PDE4D: variants seen among roughly 807,000 people sequenced by gnomAD.
PDE4D encodes phosphodiesterase 4D.
PDE4D carries 24 observed loss-of-function variants against 87.4 expected under a neutral mutation model. The ratio of observed to expected loss-of-function variants is 0.27; its 90% CI spans 0.20 to 0.39. PDE4D has a LOEUF of 0.39. Ranked by LOEUF, PDE4D falls within the 10% of genes least tolerant of loss-of-function variation. PDE4D has a pLI of 1.00. For missense variants in PDE4D, 714 were observed against 1,041.0 expected (o/e 0.69, Z 4.32); for synonymous variants, 384 against 383.2 (o/e 1.00, Z -0.02).
intron 1 of PDE4D, among the ~76,000 whole-genome samples, chr5:59,769,239 G>T (rs1351570436): frequency 6.6e-6 from 1 of 151,952 alleles, no homozygotes; most frequent in Admixed American, 6.6e-5. Flanking sequence ...ACAAACAAAA[G>T]GTTTCAAAAT....
At chr5:59,365,726 T>G (rs1782937153) in intron 1 of PDE4D, among the ~76,000 whole-genome samples, 1 of 152,140 alleles carries the variant, frequency 6.6e-6, no homozygotes, top group Non-Finnish European at 1.5e-5. Flanking sequence ...AGATGGGTCC[T>G]GGTGCCTCCT....
chr5:59,973,545 G>A (rs1761003460), intron 3 of PDE4D, among the ~76,000 whole-genome samples: 1 of 151,994 alleles, frequency 6.6e-6, no homozygotes, highest in African/African-American at 2.4e-5. Flanking sequence ...TTGACATATA[G>A]AGTTTTATAG....
chr5:59,646,962 G>C (rs1002336268), intron 1 of PDE4D, among the ~76,000 whole-genome samples: 5 of 152,234 alleles, frequency 3.3e-5, no homozygotes, highest in African/African-American at 1.2e-4. Flanking sequence ...TTGAACCCGG[G>C]AGGTGGAGGT....
chr5:59,130,772 C>T (rs1776151743), intron 5 of PDE4D, among the ~76,000 whole-genome samples: 1 of 152,166 alleles, frequency 6.6e-6, no homozygotes, highest in African/African-American at 2.4e-5. Flanking sequence ...ATCATCCTGC[C>T]CTTACCTACC....
At chr5:60,144,340 C>G (rs1290696727) in intron 2 of PDE4D, among the ~76,000 whole-genome samples, 1 of 152,230 alleles carries the variant, frequency 6.6e-6, no homozygotes, top group African/African-American at 2.4e-5. Flanking sequence ...CAACAGAAAT[C>G]CCATATTAAA....
chr5:59,816,112 T>G (rs929653590), intron 1 of PDE4D, among the ~76,000 whole-genome samples: 1 of 152,206 alleles, frequency 6.6e-6, no homozygotes, highest in African/African-American at 2.4e-5. Context: ...TGAGATGAAC[T>G]TTGAAAATTC....
chr5:60,228,628 T>C (rs1745419842), intron 1 of PDE4D, among the ~76,000 whole-genome samples: 1 of 152,044 alleles, frequency 6.6e-6, no homozygotes, highest in Non-Finnish European at 1.5e-5. Context: ...CTGTGCCAAT[T>C]CTGGGTTTAA....
intron 1 of PDE4D, among the ~76,000 whole-genome samples, chr5:59,758,637 T>A (rs1292458997): frequency 6.6e-6 from 1 of 152,142 alleles, no homozygotes; most frequent in Admixed American, 6.5e-5. Context: ...CATTTCCCTA[T>A]CTGTTACCTA....
At chr5:59,270,769 A>G (rs998224123) in intron 1 of PDE4D, among the ~76,000 whole-genome samples, 4 of 152,330 alleles carry the variant, frequency 2.6e-5, no homozygotes, top group Non-Finnish European at 5.9e-5. Context: ...GGCCATTAAA[A>G]AGATAATTAT....
At chr5:59,598,837 G>A (rs1827084278) in intron 1 of PDE4D, among the ~76,000 whole-genome samples, 1 of 152,112 alleles carries the variant, frequency 6.6e-6, no homozygotes, top group Admixed American at 6.6e-5. Context: ...CCGGTGCTTT[G>A]CAAGGCTGAG....
At chr5:59,929,835 C>T (rs371540071) in intron 3 of PDE4D, among the ~76,000 whole-genome samples, 24 of 152,266 alleles carry the variant, frequency 1.6e-4, no homozygotes, top group African/African-American at 5.1e-4. Flanking sequence ...AGGGAAAATG[C>T]TTCCTTTCAA....
chr5:59,033,493 G>T (rs1757955359), intron 6 of PDE4D, among the ~76,000 whole-genome samples: 1 of 152,086 alleles, frequency 6.6e-6, no homozygotes, highest in African/African-American at 2.4e-5. Flanking sequence ...CCCTCCTGCT[G>T]AAAAAGAGAA....
At chr5:60,420,901 A>T (rs1330988239) in intron 1 of PDE4D, among the ~76,000 whole-genome samples, 1 of 152,236 alleles carries the variant, frequency 6.6e-6, no homozygotes, top group Non-Finnish European at 1.5e-5. Context: ...CTGGCTTAGC[A>T]GGTCCCACAC....
At chr5:59,170,687 G>A (rs1271161351) in intron 5 of PDE4D, among the ~76,000 whole-genome samples, 3 of 151,970 alleles carry the variant, frequency 2.0e-5, no homozygotes, top group African/African-American at 7.3e-5. Flanking sequence ...ACTTTATTAT[G>A]TATTCCTTAA....
At chr5:60,133,052 T>C (rs1365945118) in intron 2 of PDE4D, among the ~76,000 whole-genome samples, 4 of 152,166 alleles carry the variant, frequency 2.6e-5, no homozygotes, top group African/African-American at 7.2e-5. Context: ...AAGAGCTAAA[T>C]AATAAAAGCT....
chr5:59,554,098 T>C (rs1818525998), intron 1 of PDE4D, among the ~76,000 whole-genome samples: 1 of 152,130 alleles, frequency 6.6e-6, no homozygotes, highest in African/African-American at 2.4e-5. Flanking sequence ...CCAGGATGGA[T>C]GAGTTTGTAG....
At chr5:59,043,557 AT>A (rs547108709) in intron 5 of PDE4D, among the ~76,000 whole-genome samples, 1 of 151,906 alleles carries the variant, frequency 6.6e-6, no homozygotes, top group Admixed American at 6.6e-5. Context: ...ACTGATCCAG[AT>A]TTTTTTTATT....
chr5:59,259,793 T>C (rs1428989774), intron 1 of PDE4D, among the ~76,000 whole-genome samples: 1 of 151,826 alleles, frequency 6.6e-6, no homozygotes, highest in Non-Finnish European at 1.5e-5. Context: ...CCCAAGCCTC[T>C]CATATATAAT....
rs150850912 is a variant in PDE4D at position 59,117,306 on chromosome 5, A to T, written c.808+63289T>A. On this transcript the variant is annotated intron_variant, in intron 5 of 14. Transcript: ENST00000340635. ...CCTTAAAAATTGCTTTTGTCAAAACATTGCTATGACCATCTGTTTTTAAAA... is the reference window on the plus strand; with the variant it reads ...CCTTAAAAATTGCTTTTGTCAAAACTTTGCTATGACCATCTGTTTTTAAAA... Among the ~76,000 whole-genome samples, 52 of 152,338 alleles carry T rather than the reference A, an allele frequency of 3.4e-4. 1 individual carries two copies. The highest frequency in any genetic ancestry group is 1.2e-3 in the African/African-American group (51 of 41,584).
Sources: gnomAD v4.1 joint callset for allele counts (sites outside exome capture counted in the v4.1 genomes callset) on GRCh38, gnomAD v4.1.1 for gene constraint, MANE v1.5 for transcripts, NCBI Gene and HGNC (gene_info 2026-07-23, HGNC 2026-07-21) for gene names.